ZNF560: variants seen among roughly 807,000 people sequenced by gnomAD.
ZNF560 encodes zinc finger protein 560.
ZNF560 carries 54 observed loss-of-function variants against 81.8 expected under a neutral mutation model. The ratio of observed to expected loss-of-function variants is 0.66; its 90% CI spans 0.53 to 0.83. ZNF560 has a LOEUF of 0.83. Ranked by LOEUF, ZNF560 falls within the 40% of genes least tolerant of loss-of-function variation. The probability of loss-of-function intolerance (pLI) is 0.00; values close to 1 mark genes in which losing one functional copy is unlikely to be tolerated. For synonymous variants in ZNF560, 321 were observed against 317.9 expected, an observed-to-expected ratio of 1.01 and a Z score of -0.10; for missense variants, 940 against 932.4, an observed-to-expected ratio of 1.01 and a Z score of -0.11.
At chr19:9,474,683 G>A (rs1285481293) in intron 3 of ZNF560, among the ~76,000 whole-genome samples, 1 of 151,948 alleles carries the variant, frequency 6.6e-6, no homozygotes, top group Non-Finnish European at 1.5e-5. Flanking sequence ...TTGGGAAGCA[G>A]GGTCTTGCTC....
At chr19:9,492,034 G>A (rs2073482914) in intron 2 of ZNF560, among the ~76,000 whole-genome samples, 2 of 151,584 alleles carry the variant, frequency 1.3e-5, no homozygotes, top group African/African-American at 2.4e-5. Flanking sequence ...AGGCTGGAGT[G>A]CAGTGGCATG....
chr19:9,482,130 T>C (rs1316875950), intron 2 of ZNF560, among the ~76,000 whole-genome samples: 2 of 152,092 alleles, frequency 1.3e-5, no homozygotes, highest in Non-Finnish European at 2.9e-5. Flanking sequence ...TGTAGGGACA[T>C]GCATGAAGCT....
At position 9,467,162 on chromosome 19, in the gene ZNF560, A is replaced by G; in HGVS notation, c.1785T>C (p.Ser595=). The change falls in exon 10 of 10, where the codon AGT becomes AGC. Residue 595 remains serine, a synonymous_variant. Transcript: ENST00000301480. Reference sequence around the variant, plus strand: ...TCTTACATTCATATGGCTTCTCTCCACTGTGTCTTCGTAAATGTTTAGTAA... The same window carrying G: ...TCTTACATTCATATGGCTTCTCTCCGCTGTGTCTTCGTAAATGTTTAGTAA... ...SYLTKHLRRH[S]GEKPYECKKC... is the part of the protein sequence containing the mutation. The G allele has an allele frequency of 1.2e-6, 2 of 1,613,956 alleles. No homozygotes were observed. Among genetic ancestry groups the G allele is most frequent in the Non-Finnish European group, 8.5e-7 (1 of 1,180,010 alleles).
intron 2 of ZNF560, among the ~76,000 whole-genome samples, chr19:9,492,854 T>C (rs1336424130): frequency 6.6e-6 from 1 of 152,222 alleles, no homozygotes; most frequent in African/African-American, 2.4e-5. Context: ...CCCAGCAATG[T>C]AGAGCACTGT....
chr19:9,484,822 G>A, intron 2 of ZNF560, among the ~76,000 whole-genome samples: 1 of 143,050 alleles, frequency 7.0e-6, no homozygotes, highest in African/African-American at 2.6e-5. Flanking sequence ...ATAAAATTAA[G>A]CCTTTAAAAA....
At chr19:9,469,516 T>A in intron 8 of ZNF560, 114 bp downstream of exon 8, 1 of 919,698 alleles carries the variant, frequency 1.1e-6, no homozygotes, top group South Asian at 1.4e-5. Flanking sequence ...TCCCAAAACA[T>A]CCAAGTCCAG....
chr19:9,451,959 C>T, the ZNF560 span, among the ~76,000 whole-genome samples: 2 of 151,976 alleles, frequency 1.3e-5, no homozygotes, highest in African/African-American at 2.4e-5. Context: ...ATCTGTAATC[C>T]CAGCTACTCA....
chr19:9,500,538 G>A (rs867994183), upstream of ZNF560, among the ~76,000 whole-genome samples: 37 of 151,778 alleles, frequency 2.4e-4, no homozygotes, highest in Admixed American at 7.2e-4. Context: ...TCGTAAGTGC[G>A]TTTTGTCACG....
the ZNF560 span, among the ~76,000 whole-genome samples, chr19:9,450,007 A>G: frequency 7.1e-6 from 1 of 140,708 alleles, no homozygotes; most frequent in East Asian, 2.1e-4. Flanking sequence ...AACAACTGAA[A>G]AAAGGCCAGG....
chr19:9,501,246 A>T (rs182769461), upstream of ZNF560, among the ~76,000 whole-genome samples: 190 of 137,112 alleles, frequency 1.4e-3, no homozygotes, highest in African/African-American at 5.0e-3. Flanking sequence ...TGCAGTCTTG[A>T]CCACCACAGG....
chr19:9,476,015 G>A (rs1405185853), intron 2 of ZNF560, among the ~76,000 whole-genome samples: 1 of 152,126 alleles, frequency 6.6e-6, no homozygotes, highest in African/African-American at 2.4e-5. Context: ...ACTTAAGGGG[G>A]CTAACTTACA....
chr19:9,470,630 A>C, intron 6 of ZNF560, 112 bp from the exon 7 acceptor site: 1 of 1,459,730 alleles, frequency 6.9e-7, no homozygotes, highest in Admixed American at 1.7e-5. Context: ...TGCTCCCACT[A>C]TCTACACCCC....
intron 2 of ZNF560, among the ~76,000 whole-genome samples, chr19:9,494,103 C>A (rs1211938448): frequency 6.7e-6 from 1 of 148,520 alleles, no homozygotes; most frequent in Non-Finnish European, 1.5e-5. Flanking sequence ...CCACTCCCAG[C>A]CTGGGCGAAA....
chr19:9,461,454 C>CA (rs935523388), downstream of ZNF560, among the ~76,000 whole-genome samples: 6 of 152,268 alleles, frequency 3.9e-5, no homozygotes, highest in South Asian at 6.2e-4. Flanking sequence ...AAGAAGTTCT[C>CA]AGTGTTTCAT....
At chr19:9,501,686 A>G (rs910789478), upstream of ZNF560, among the ~76,000 whole-genome samples, 3 of 150,506 alleles carry the variant, frequency 2.0e-5, no homozygotes, top group Admixed American at 1.3e-4. Flanking sequence ...TTTTGTAGAG[A>G]TGAGGTTTCG....
intron 2 of ZNF560, among the ~76,000 whole-genome samples, chr19:9,497,534 CAAAAAA>C (rs58468618): frequency 1.3e-4 from 9 of 67,556 alleles, no homozygotes; most frequent in Non-Finnish European, 2.9e-4. Flanking sequence ...GACCCCCTCT[CAAAAAA>C]AAAAAAAAAA....
At chr19:9,492,918 A>T (rs1438659854) in intron 2 of ZNF560, among the ~76,000 whole-genome samples, 1 of 152,176 alleles carries the variant, frequency 6.6e-6, no homozygotes, top group Non-Finnish European at 1.5e-5. Flanking sequence ...GCAACTATTT[A>T]TTTGGTCCCA....
chr19:9,447,986 A>G, the ZNF560 span, among the ~76,000 whole-genome samples: 1 of 152,162 alleles, frequency 6.6e-6, no homozygotes, highest in Non-Finnish European at 1.5e-5. Context: ...GTACAAAGGG[A>G]ATCTCGTCAT....
At chr19:9,480,612 A>C (rs1488730107) in intron 2 of ZNF560, among the ~76,000 whole-genome samples, 1 of 152,094 alleles carries the variant, frequency 6.6e-6, no homozygotes, top group Non-Finnish European at 1.5e-5. Flanking sequence ...TTCTGAAAAG[A>C]TGAACAAACC....
Sources: gnomAD v4.1 joint callset for allele counts (sites outside exome capture counted in the v4.1 genomes callset) on GRCh38, gnomAD v4.1.1 for gene constraint, MANE v1.5 for transcripts, NCBI Gene and HGNC (gene_info 2026-07-23, HGNC 2026-07-21) for gene names.